The following RBFOX1 variants were observed in gnomAD, a reference collection of about 807,000 sequenced individuals.
The protein encoded by RBFOX1 is RNA binding protein fox-1 homolog 1.
In RBFOX1, 8 loss-of-function variants were observed where a neutral mutation model predicts 57.7. The ratio of observed to expected loss-of-function variants is 0.14; its 90% CI spans 0.08 to 0.25. RBFOX1 has a LOEUF of 0.25. Ranked by LOEUF, RBFOX1 falls within the 10% of genes least tolerant of loss-of-function variation. The pLI, the probability that RBFOX1 is intolerant of heterozygous loss-of-function variation, is 1.00. For synonymous variants in RBFOX1, 326 were observed against 222.4 expected, an observed-to-expected ratio of 1.47 and a Z score of -4.15; for missense variants, 611 against 548.5, an observed-to-expected ratio of 1.11 and a Z score of -1.14.
chr16:6,362,200 A>T (rs2152871470), intron 2 of RBFOX1, among the ~76,000 whole-genome samples: 1 of 152,200 alleles, frequency 6.6e-6, no homozygotes, highest in Admixed American at 6.5e-5. Context: ...AACAAAATTA[A>T]ATTACTAAAA....
intron 1 of RBFOX1, among the ~76,000 whole-genome samples, chr16:6,054,782 T>A (rs8049140): frequency 0.32 from 49,369 of 151,962 alleles, 8,285 homozygotes; most frequent in Non-Finnish European, 0.37. Context: ...CTACTTTTTT[T>A]ATTATTATTA....
intron 3 of RBFOX1, among the ~76,000 whole-genome samples, chr16:5,646,610 G>A (rs1294533263): frequency 6.6e-6 from 1 of 152,060 alleles, no homozygotes; most frequent in Non-Finnish European, 1.5e-5. Context: ...CATGGCAGGG[G>A]TCTGGGCAGG....
intron 1 of RBFOX1, among the ~76,000 whole-genome samples, chr16:6,030,459 C>T (rs548310913): frequency 6.6e-6 from 1 of 152,302 alleles, no homozygotes; most frequent in Non-Finnish European, 1.5e-5. Flanking sequence ...ATTAACCTCA[C>T]TTTTGACTCA....
At chr16:5,677,842 T>C (rs939204142) in intron 3 of RBFOX1, among the ~76,000 whole-genome samples, 5 of 152,158 alleles carry the variant, frequency 3.3e-5, no homozygotes, top group Non-Finnish European at 5.9e-5. Flanking sequence ...AAAAGTCTTA[T>C]GAAGATGGAT....
At chr16:6,520,569 A>G (rs2096479022) in intron 2 of RBFOX1, among the ~76,000 whole-genome samples, 1 of 152,158 alleles carries the variant, frequency 6.6e-6, no homozygotes, top group African/African-American at 2.4e-5. Context: ...ATTGGTTCTA[A>G]CTTGTGAAAA....
chr16:7,121,259 C>A (rs1352433518), intron 4 of RBFOX1, among the ~76,000 whole-genome samples: 1 of 152,004 alleles, frequency 6.6e-6, no homozygotes, highest in Non-Finnish European at 1.5e-5. Context: ...GGAAATCTTA[C>A]TCACTACAAT....
At chr16:6,210,884 G>A (rs1194221688) in intron 1 of RBFOX1, among the ~76,000 whole-genome samples, 1 of 152,212 alleles carries the variant, frequency 6.6e-6, no homozygotes, top group Non-Finnish European at 1.5e-5. Context: ...TGTCAGCTCA[G>A]CTGATACCAC....
intron 5 of RBFOX1, among the ~76,000 whole-genome samples, chr16:7,557,229 G>T (rs2152619405): frequency 6.6e-6 from 1 of 152,166 alleles, no homozygotes; most frequent in African/African-American, 2.4e-5. Flanking sequence ...ATAGCTGAGG[G>T]CTTCATCAGT....
intron 1 of RBFOX1, among the ~76,000 whole-genome samples, chr16:6,197,265 G>C (rs1196356799): frequency 2.0e-5 from 3 of 152,042 alleles, no homozygotes; most frequent in Non-Finnish European, 4.4e-5. Context: ...TCTAGTTCCA[G>C]TGTTTTTCTT....
At chr16:5,257,698 C>A (rs1244182854) in intron 1 of RBFOX1, among the ~76,000 whole-genome samples, 1 of 152,182 alleles carries the variant, frequency 6.6e-6, no homozygotes, top group Non-Finnish European at 1.5e-5. Flanking sequence ...AAGCAAGGCG[C>A]ATGGGTCGAC....
intron 1 of RBFOX1, among the ~76,000 whole-genome samples, chr16:6,285,838 C>G (rs1171963347): frequency 2.0e-5 from 3 of 152,114 alleles, no homozygotes; most frequent in Non-Finnish European, 2.9e-5. Flanking sequence ...CCAGAAGCAT[C>G]TTATTTACAT....
chr16:6,904,719 C>T (rs1344250455), intron 3 of RBFOX1, among the ~76,000 whole-genome samples: 1 of 149,632 alleles, frequency 6.7e-6, no homozygotes, highest in Non-Finnish European at 1.5e-5. Flanking sequence ...CCTTGGTTTT[C>T]TCTACTCACA....
intron 3 of RBFOX1, among the ~76,000 whole-genome samples, chr16:6,848,604 GATGTAT>G (rs1370400518): frequency 3.3e-5 from 5 of 151,760 alleles, no homozygotes; most frequent in African/African-American, 7.3e-5. Flanking sequence ...TGAAAGAGAA[GATGTAT>G]GTGTATGTGT....
intron 4 of RBFOX1, among the ~76,000 whole-genome samples, chr16:5,954,960 T>C (rs1468740797): frequency 1.3e-5 from 2 of 151,186 alleles, no homozygotes; most frequent in Non-Finnish European, 2.9e-5. Flanking sequence ...GAGGAGCAAA[T>C]ACTTGATGAG....
intron 4 of RBFOX1, among the ~76,000 whole-genome samples, chr16:7,429,119 G>A (rs768138159): frequency 9.2e-5 from 14 of 152,136 alleles, no homozygotes; most frequent in East Asian, 5.8e-4. Context: ...GAAATCGAGC[G>A]GCATAAGGCT....
intron 14 of RBFOX1, among the ~76,000 whole-genome samples, chr16:7,684,097 A>T (rs972035386): frequency 2.6e-5 from 4 of 152,116 alleles, no homozygotes; most frequent in African/African-American, 4.8e-5. Flanking sequence ...CTGACTCTGT[A>T]CTTACCACAA....
intron 3 of RBFOX1, among the ~76,000 whole-genome samples, chr16:5,785,445 C>G (rs1290085305): frequency 6.6e-6 from 1 of 152,168 alleles, no homozygotes; most frequent in African/African-American, 2.4e-5. Flanking sequence ...GACGATCCTT[C>G]CATTTTCTGT....
At chr16:5,632,625 C>G (rs533229876) in intron 3 of RBFOX1, 1 of 152,188 alleles carries the variant, frequency 6.6e-6, no homozygotes, top group African/African-American at 2.4e-5. Flanking sequence ...GCCCTGTCCA[C>G]GAGCCACCTA....
chr16:7,699,256 T>TC (rs2079839378), intron 14 of RBFOX1, among the ~76,000 whole-genome samples: 1 of 118,278 alleles, frequency 8.5e-6, no homozygotes, highest in Non-Finnish European at 1.9e-5. Flanking sequence ...AATAGCCTGA[T>TC]CTTAGCTTCC....
Sources: gnomAD v4.1 joint callset for allele counts (sites outside exome capture counted in the v4.1 genomes callset) on GRCh38, gnomAD v4.1.1 for gene constraint, MANE v1.5 for transcripts, NCBI Gene and HGNC (gene_info 2026-07-23, HGNC 2026-07-21) for gene names.